Variants in TACC2 observed in about 807,000 individuals in gnomAD.
The protein encoded by TACC2 is transforming acidic coiled-coil containing protein 2.
In TACC2, 137 loss-of-function variants were observed where a neutral mutation model predicts 227.3. The observed-to-expected ratio is 0.60, with a 90% CI of 0.52 to 0.69. The LOEUF (loss-of-function observed/expected upper bound fraction) is 0.69. Ranked by LOEUF, TACC2 falls within the 30% of genes least tolerant of loss-of-function variation. TACC2 has a pLI of 0.00. For missense variants in TACC2, 3,470 were observed against 3,694.4 expected, an observed-to-expected ratio of 0.94 and a Z score of 1.57; for synonymous variants, 1,523 against 1,487.5, an observed-to-expected ratio of 1.02 and a Z score of -0.55.
chr10:122,079,668 G>T (rs1014262726), intron 3 of TACC2, among the ~76,000 whole-genome samples: 2 of 152,238 alleles, frequency 1.3e-5, no homozygotes, highest in Admixed American at 1.3e-4. Context: ...CTGGAATGGG[G>T]CTGGGGGAAG....
intron 2 of TACC2, among the ~76,000 whole-genome samples, chr10:122,030,930 T>A (rs11200354): frequency 6.6e-6 from 1 of 151,678 alleles, no homozygotes; most frequent in African/African-American, 2.4e-5. Flanking sequence ...GCCTCCATAA[T>A]GCTCAGCCTC....
chr10:122,217,014 G>A, intron 11 of TACC2, 186 bp downstream of exon 11: 1 of 1,262,098 alleles, frequency 7.9e-7, no homozygotes, highest in Non-Finnish European at 1.1e-6. Context: ...AGACTTGAAA[G>A]CAGCTGTCCC....
intron 1 of TACC2, among the ~76,000 whole-genome samples, chr10:122,007,887 A>T (rs1375071359): frequency 6.6e-6 from 1 of 152,048 alleles, no homozygotes; most frequent in Non-Finnish European, 1.5e-5. Context: ...TCATGATGGG[A>T]GTGGGTTAGT....
At chr10:122,243,727 G>T (rs942892321) in intron 19 of TACC2, among the ~76,000 whole-genome samples, 5 of 152,070 alleles carry the variant, frequency 3.3e-5, no homozygotes, top group African/African-American at 1.2e-4. Flanking sequence ...TTGGCCTCCT[G>T]GAGTCTTGGG....
At chr10:122,120,060 G>A (rs934765615) in intron 5 of TACC2, among the ~76,000 whole-genome samples, 3 of 152,294 alleles carry the variant, frequency 2.0e-5, no homozygotes, top group Admixed American at 6.5e-5. Context: ...CAAAGGATGC[G>A]GAAACAACAG....
intron 22 of TACC2, among the ~76,000 whole-genome samples, chr10:122,251,638 T>G (rs1167146227): frequency 6.6e-6 from 1 of 152,210 alleles, no homozygotes; most frequent in Non-Finnish European, 1.5e-5. Context: ...AGTTCGAGGC[T>G]GTAGTGCACT....
chr10:122,215,188 TC>T (rs2095374823), intron 9 of TACC2, among the ~76,000 whole-genome samples: 1 of 152,284 alleles, frequency 6.6e-6, no homozygotes, highest in Non-Finnish European at 1.5e-5. Flanking sequence ...GATGGATCTT[TC>T]CCTTGGGGGC....
intron 6 of TACC2, among the ~76,000 whole-genome samples, chr10:122,134,076 A>G (rs550545308): frequency 2.0e-5 from 3 of 152,250 alleles, no homozygotes; most frequent in East Asian, 3.9e-4. Flanking sequence ...TAGATAGGGC[A>G]GGAAGCTGCA....
At chr10:122,019,031 G>A (rs568518801) in intron 1 of TACC2, among the ~76,000 whole-genome samples, 2 of 152,360 alleles carry the variant, frequency 1.3e-5, no homozygotes, top group Admixed American at 6.5e-5. Context: ...CACAAAAATA[G>A]AAACTGGTTG....
intron 7 of TACC2, among the ~76,000 whole-genome samples, chr10:122,152,783 T>C (rs4752661): frequency 0.65 from 98,630 of 152,090 alleles, 34,944 homozygotes; most frequent in Non-Finnish European, 0.8. Flanking sequence ...GTTGCAGCAC[T>C]GTTTGGCAGG....
intron 11 of TACC2, among the ~76,000 whole-genome samples, chr10:122,221,300 T>G (rs1337146358): frequency 6.6e-6 from 1 of 152,236 alleles, no homozygotes; most frequent in Non-Finnish European, 1.5e-5. Context: ...GGGAGAAAAC[T>G]TAACCCATGT....
At chr10:122,249,954 T>C (rs938425743) in intron 22 of TACC2, among the ~76,000 whole-genome samples, 7 of 152,226 alleles carry the variant, frequency 4.6e-5, no homozygotes, top group Non-Finnish European at 8.8e-5. Context: ...GTGCCTACAA[T>C]GTGTTAGGCG....
rs539111550 is a variant in TACC2 at position 122,057,593 on chromosome 10, G to A, written c.146+7043G>A. On this transcript the variant is annotated intron_variant, in intron 3 of 22. Transcript: ENST00000369005. ...CGAGGCGGGCAGATCACCTGAGGTC[G>A]GGAGTTCGAGACCAGCCTGACCAAC... Among the ~76,000 whole-genome samples the A allele has an allele frequency of 1.2e-4, 19 of 152,034 alleles. No individual in the cohort carries two copies. The South Asian group carries it at 3.1e-3, about 25-fold the overall frequency.
Position 122,084,438 on chromosome 10 carries a change from G to T in TACC2, c.1938G>T (p.Gly646=). Residue 646 remains glycine, a synonymous_variant, in exon 4 of 23, where the codon GGG becomes GGT. Transcript: ENST00000369005. ...AGGGGGGTGCTGGGCACACGGACGG[G>T]CCCCACTCTCAGACAGCAGAGGCTG... ...PRKGGAGHTD[G]PHSQTAEADA... 1.1e-5 allele frequency: 17 copies of T among 1,612,834 alleles called. No homozygotes were observed. Among genetic ancestry groups the T allele is most frequent in the Non-Finnish European group, 1.4e-5 (17 of 1,180,016 alleles).
intron 2 of TACC2, among the ~76,000 whole-genome samples, chr10:122,046,095 A>T (rs55649537): frequency 1.3e-3 from 200 of 151,900 alleles, no homozygotes; most frequent in African/African-American, 4.6e-3. Context: ...GAATTGCTTG[A>T]ACCCGGGAAG....
chr10:122,173,878 C>T (rs922189359), intron 7 of TACC2, among the ~76,000 whole-genome samples: 8 of 152,324 alleles, frequency 5.3e-5, no homozygotes, highest in Non-Finnish European at 1.0e-4. Context: ...CAGCTCTTAC[C>T]CTCCAGCCCC....
intron 5 of TACC2, among the ~76,000 whole-genome samples, chr10:122,089,439 A>T (rs1420932026): frequency 6.6e-6 from 1 of 152,210 alleles, no homozygotes; most frequent in East Asian, 1.9e-4. Context: ...AGGAGGGTAA[A>T]TGTAACCACG....
In TACC2 at chr10:122,220,957, G is replaced by T. The variant is rs143246337; in HGVS notation, c.7547-3769G>T. On this transcript the variant is annotated intron_variant, in intron 11 of 22. Transcript: ENST00000369005. ...CAGGTGTGCCTGACTTAACAGCTGT[G>T]CTCTTTATGTGAGCATGGAACAGGC... Among the ~76,000 whole-genome samples the T allele has an allele frequency of 6.2e-3, 950 of 152,292 alleles. 14 individuals carry two copies. The highest frequency in any genetic ancestry group is 0.022 in the African/African-American group (904 of 41,560).
At chr10:122,096,369 G>A (rs1042288623) in intron 5 of TACC2, among the ~76,000 whole-genome samples, 4 of 152,148 alleles carry the variant, frequency 2.6e-5, no homozygotes, top group Admixed American at 6.5e-5. Context: ...AACCCTCCCT[G>A]CCCACAAACC....
Sources: allele counts gnomAD v4.1 joint callset (sites outside exome capture counted in the v4.1 genomes callset), GRCh38; gene constraint gnomAD v4.1.1; transcripts MANE v1.5; gene names NCBI Gene and HGNC (gene_info 2026-07-23, HGNC 2026-07-21).